The following ZFHX3 variants were observed in gnomAD, a reference collection of about 807,000 sequenced individuals.
The protein encoded by ZFHX3 is zinc finger homeobox 3, also known as zinc finger homeobox protein 3.
In ZFHX3, 42 loss-of-function variants were observed where a neutral mutation model predicts 279.1. The ratio of observed to expected loss-of-function variants is 0.15; its 90% CI spans 0.12 to 0.19. The LOEUF is 0.19. ZFHX3 is among the 10% of genes least tolerant of loss of function. ZFHX3 has a pLI of 1.00. For synonymous variants in ZFHX3, 2,293 were observed against 1,957.8 expected (o/e 1.17, Z -4.52); for missense variants, 4,981 against 4,754.0 (o/e 1.05, Z -1.40).
At chr16:73,331,184 A>G (rs757701580) in intron 3 of ZFHX3, among the ~76,000 whole-genome samples, 7 of 152,184 alleles carry the variant, frequency 4.6e-5, no homozygotes, top group Non-Finnish European at 1.0e-4. Flanking sequence ...AAGCGGGGAA[A>G]GCCCCGTATA....
intron 3 of ZFHX3, among the ~76,000 whole-genome samples, chr16:72,911,184 G>A (rs1358305553): frequency 6.6e-6 from 1 of 152,252 alleles, no homozygotes; most frequent in Non-Finnish European, 1.5e-5. Context: ...AGTCGAGAAT[G>A]AGTGTAGCTT....
intron 1 of ZFHX3, among the ~76,000 whole-genome samples, chr16:73,029,521 T>C (rs971037366): frequency 5.9e-5 from 9 of 152,200 alleles, no homozygotes; most frequent in African/African-American, 2.2e-4. Context: ...ACACAAGAAG[T>C]GTGTGTTGGA....
chr16:73,819,067 C>T (rs1423391981), intron 1 of ZFHX3, among the ~76,000 whole-genome samples: 4 of 152,054 alleles, frequency 2.6e-5, no homozygotes, highest in Admixed American at 1.3e-4. Context: ...GTGCTCCTTA[C>T]GTGGGGCACT....
At chr16:73,493,592 C>T (rs1390740657) in intron 2 of ZFHX3, among the ~76,000 whole-genome samples, 1 of 152,188 alleles carries the variant, frequency 6.6e-6, no homozygotes, top group Non-Finnish European at 1.5e-5. Context: ...CCCACTGTAC[C>T]TGGGAAGGAC....
chr16:73,413,026 C>T (rs2143466136), intron 3 of ZFHX3, among the ~76,000 whole-genome samples: 1 of 152,264 alleles, frequency 6.6e-6, no homozygotes, highest in Non-Finnish European at 1.5e-5. Flanking sequence ...AGAAAGCTGC[C>T]TTGCAGGAGT....
intron 4 of ZFHX3, among the ~76,000 whole-genome samples, chr16:73,271,434 C>T (rs534903194): frequency 5.9e-5 from 9 of 152,186 alleles, no homozygotes; most frequent in Admixed American, 1.3e-4. Context: ...CAGGCTGCTC[C>T]GGAGGGGCAG....
At chr16:72,889,210 C>T (rs1399895082) in intron 4 of ZFHX3, among the ~76,000 whole-genome samples, 3 of 152,142 alleles carry the variant, frequency 2.0e-5, no homozygotes, top group African/African-American at 7.2e-5. Flanking sequence ...CCAAATACAA[C>T]TGAAATTTTT....
At chr16:73,506,128 CT>C (rs2019322216) in intron 2 of ZFHX3, among the ~76,000 whole-genome samples, 1 of 152,196 alleles carries the variant, frequency 6.6e-6, no homozygotes, top group South Asian at 2.1e-4. Context: ...CAAGGATTTG[CT>C]TAAGGTCCAC....
upstream of ZFHX3, among the ~76,000 whole-genome samples, chr16:73,051,138 G>A (rs547187352): frequency 2.6e-5 from 4 of 152,264 alleles, no homozygotes; most frequent in African/African-American, 7.2e-5. Flanking sequence ...ACAGTACAGC[G>A]GGTTTAGACA....
Position 72,797,404 on chromosome 16 carries a change from G to A in ZFHX3, c.5278C>T (p.Leu1760=). ...TGGATCAGGGCAGCCTGTTGCTGCA[G>A]CTCCTGCTGCAGGTGAGCTTGAACT... ...AQVQAHLQQE[L]QQQAALIQSQ... Residue 1760 remains leucine (L), a synonymous_variant, in exon 9 of 10, where the codon CTG becomes TTG. Transcript: ENST00000268489. 1.2e-6 allele frequency: 2 copies of A among 1,610,782 alleles called. No homozygotes were observed. The highest frequency in any genetic ancestry group is 1.7e-6 in the Non-Finnish European group (2 of 1,178,582).
intron 2 of ZFHX3, among the ~76,000 whole-genome samples, chr16:73,677,612 T>A (rs1306403373): frequency 4.6e-5 from 7 of 151,948 alleles, no homozygotes; most frequent in Admixed American, 3.9e-4. Context: ...TTTCTAGAAT[T>A]ATTTTAACTA....
chr16:73,532,082 T>C lies in ZFHX3; in HGVS notation c.-1546-75824A>G, dbSNP rs189266331. The stretch of plus-strand genomic sequence containing the variant: ...CAGCCTGGGCAACAGAGTGAGACCC[T>C]GTCTCTAAAAAAGATTAAAAAAAAA... On this transcript the variant is annotated intron_variant, in intron 2 of 17. Transcript: ENST00000641206. 3.2e-3 allele frequency among the ~76,000 whole-genome samples: 480 copies of C among 152,086 alleles called. 10 individuals are homozygous for C. The highest frequency in any genetic ancestry group is 0.011 in the African/African-American group (463 of 41,444).
chr16:72,843,581 G>T (rs1447361620), intron 4 of ZFHX3, among the ~76,000 whole-genome samples: 5 of 150,068 alleles, frequency 3.3e-5, no homozygotes, highest in South Asian at 2.1e-4. Flanking sequence ...TCTAAAGGAG[G>T]ATGAAGGCCA....
rs147925086 is a variant in ZFHX3, at chr16:73,776,869, C to T, written c.-1607-96629G>A. Reference sequence around the variant, plus strand: ...AAGGTGTGCCAGCTGTCCATATAAGCAATCAGTACGGCCTGCTTGCTTTAT... The same window carrying T: ...AAGGTGTGCCAGCTGTCCATATAAGTAATCAGTACGGCCTGCTTGCTTTAT... On this transcript the variant is annotated intron_variant, in intron 1 of 17. Transcript: ENST00000641206. Among the ~76,000 whole-genome samples the T allele has an allele frequency of 2.6e-4, 40 of 152,246 alleles. 1 individual carries two copies. In the South Asian group the frequency reaches 4.6e-3, roughly 17 times the overall value.
intron 7 of ZFHX3, among the ~76,000 whole-genome samples, chr16:73,117,257 T>C (rs1966443713): frequency 6.6e-6 from 1 of 152,156 alleles, no homozygotes; most frequent in Non-Finnish European, 1.5e-5. Flanking sequence ...GAATAGAAAC[T>C]ATTAGCATGT....
In ZFHX3 at chr16:73,799,416, A is replaced by G. The variant is rs544372461; in HGVS notation, c.-1608+92235T>C. On this transcript the variant is annotated intron_variant, in intron 1 of 17. Coordinates refer to the ZFHX3 transcript ENST00000641206. ...GGCATTTAGGATGAGGCTACAGAGC[A>G]TCCAGACAGCAGAGTGAATTGAGGC... 2.9e-4 allele frequency among the ~76,000 whole-genome samples: 44 copies of G among 152,330 alleles called. No homozygotes were observed. The East Asian group carries it at 6.6e-3, about 23-fold the overall frequency.
At position 72,797,256 on chromosome 16, in the gene ZFHX3, A is replaced by C; in HGVS notation, c.5426T>G (p.Leu1809Arg). 1 of 1,613,400 alleles carries C rather than the reference A, an allele frequency of 6.2e-7. No individual in the cohort carries two copies. The highest frequency in any genetic ancestry group is 8.5e-7 in the Non-Finnish European group (1 of 1,179,622). The change falls in exon 9 of 10, where the codon CTT becomes CGT. Residue 1809 changes from leucine to arginine, a missense_variant. Physicochemically the swap from Leu to Arg is moderately radical, Grantham distance 102. This residue lies in a region of ZFHX3 where 1,751 missense variants were observed against 1,770.0 expected (regional missense o/e 0.99). Coordinates refer to ENST00000268489, the MANE Select transcript of ZFHX3 (RefSeq NM_006885.4). ...PFYIPSAEFQ[L>R]NPEVSLPVTS... ...CACTGGCAAGCTCACCTCGGGGTTA[A>C]GCTGGAACTCAGCACTGGGGATGTA... is the stretch of plus-strand genomic sequence containing the variant.
chr16:73,510,530 T>C (rs2143686389), intron 2 of ZFHX3, among the ~76,000 whole-genome samples: 1 of 152,342 alleles, frequency 6.6e-6, no homozygotes, highest in South Asian at 2.1e-4. Flanking sequence ...CTGAAGGATA[T>C]AGACTGTTTT....
At chr16:73,856,773 T>G (rs1961739967) in intron 1 of ZFHX3, among the ~76,000 whole-genome samples, 2 of 152,192 alleles carry the variant, frequency 1.3e-5, no homozygotes, top group African/African-American at 4.8e-5. Context: ...GCCCTCTGCC[T>G]CCATGGAATA....
Sources: gnomAD v4.1 joint callset for allele counts (sites outside exome capture counted in the v4.1 genomes callset) on GRCh38, gnomAD v4.1.1 for gene constraint, gnomAD v4.1.1 regional missense constraint, MANE v1.5 for transcripts, NCBI Gene and HGNC (gene_info 2026-07-23, HGNC 2026-07-21) for gene names.